Variants in TCF4 observed in about 807,000 individuals in gnomAD.
TCF4 encodes the protein SL3-3 enhancer factor 2.
TCF4 carries 3 observed loss-of-function variants against 82.1 expected under a neutral mutation model. The observed-to-expected ratio is 0.04, with a 90% CI of 0.02 to 0.09. The LOEUF is 0.09. Among genes scored for constraint, TCF4 ranks in the 10% least tolerant of loss-of-function variants. The probability of loss-of-function intolerance (pLI) is 1.00; values close to 1 mark genes in which losing one functional copy is unlikely to be tolerated. For synonymous variants in TCF4, 276 were observed against 309.6 expected, an observed-to-expected ratio of 0.89 and a Z score of 1.14; for missense variants, 518 against 852.7, an observed-to-expected ratio of 0.61 and a Z score of 4.89.
At chr18:55,610,726 C>T (rs1190876915) in intron 2 of TCF4, among the ~76,000 whole-genome samples, 1 of 152,192 alleles carries the variant, frequency 6.6e-6, no homozygotes, top group Non-Finnish European at 1.5e-5. Context: ...CAGCCCAAGA[C>T]ATTGCAGAGG....
chr18:55,376,151 A>G (rs2090684928), intron 6 of TCF4, among the ~76,000 whole-genome samples: 1 of 150,788 alleles, frequency 6.6e-6, no homozygotes, highest in Non-Finnish European at 1.5e-5. Context: ...CCTCCTGAGT[A>G]GCTCAGACCA....
chr18:55,586,357 C>T (rs1364625334), intron 2 of TCF4: 1 of 604,238 alleles, frequency 1.7e-6, no homozygotes, highest in East Asian at 3.4e-5. Context: ...ATTCTCCTGA[C>T]ATGTCTGGGA....
intron 8 of TCF4, among the ~76,000 whole-genome samples, chr18:55,325,179 T>G (rs916690708): frequency 2.0e-5 from 3 of 152,194 alleles, no homozygotes; most frequent in African/African-American, 4.8e-5. Context: ...AGAGCTATAT[T>G]CAACCATTTC....
intron 3 of TCF4, among the ~76,000 whole-genome samples, chr18:55,554,696 T>G (rs2097289171): frequency 6.6e-6 from 1 of 152,202 alleles, no homozygotes; most frequent in African/African-American, 2.4e-5. Context: ...ACAATGTGCA[T>G]GTACAACCCC....
chr18:55,415,466 A>G (rs957539084), intron 5 of TCF4, among the ~76,000 whole-genome samples: 4 of 152,218 alleles, frequency 2.6e-5, no homozygotes, highest in African/African-American at 9.6e-5. Context: ...CAGCCAGCAG[A>G]GGGCGCACAT....
At chr18:55,597,305 G>C (rs147930613) in intron 2 of TCF4, among the ~76,000 whole-genome samples, 4 of 152,288 alleles carry the variant, frequency 2.6e-5, no homozygotes, top group African/African-American at 9.6e-5. Context: ...GATTATAATG[G>C]AGAGGAGAAA....
chr18:55,403,727 C>T, intron 5 of TCF4: 4 of 1,537,626 alleles, frequency 2.6e-6, no homozygotes, highest in Non-Finnish European at 2.6e-6. Context: ...CTATTCTTAG[C>T]CAAACTGCTC....
chr18:55,580,795 T>C lies in TCF4; in HGVS notation c.145+4485A>G, dbSNP rs548596384. 1.0e-4 allele frequency among the ~76,000 whole-genome samples: 15 copies of C among 150,382 alleles called. No homozygotes were observed. In the South Asian group the frequency reaches 2.3e-3, roughly 23 times the overall value. ...GTGTGTGTGTATAGAACTCAGGACT[T>C]TGAGCTAGACAAACCTGAGGTTAAA... On this transcript the variant is annotated intron_variant, in intron 3 of 19. Transcript: ENST00000354452.
At chr18:55,409,954 A>T (rs1335529649) in intron 5 of TCF4, among the ~76,000 whole-genome samples, 1 of 152,202 alleles carries the variant, frequency 6.6e-6, no homozygotes, top group Non-Finnish European at 1.5e-5. Flanking sequence ...ACAGAATCTT[A>T]CGATACAGGG....
chr18:55,555,667 G>A (rs2097297415), intron 3 of TCF4, among the ~76,000 whole-genome samples: 1 of 152,102 alleles, frequency 6.6e-6, no homozygotes, highest in African/African-American at 2.4e-5. Context: ...ACAACTGCCA[G>A]AATTAAAGCC....
chr18:55,259,695 G>A (rs1209955921), intron 13 of TCF4: 1 of 471,098 alleles, frequency 2.1e-6, no homozygotes, highest in African/African-American at 2.0e-5. Context: ...TAAGAAAAGT[G>A]TAAGAAATAC....
chr18:55,387,629 G>A (rs1262834219), intron 6 of TCF4, among the ~76,000 whole-genome samples: 1 of 152,162 alleles, frequency 6.6e-6, no homozygotes, highest in African/African-American at 2.4e-5. Flanking sequence ...GTGTTGGCTG[G>A]TATTTACAAT....
intron 8 of TCF4, among the ~76,000 whole-genome samples, chr18:55,330,181 T>A (rs1434148864): frequency 1.4e-5 from 2 of 147,198 alleles, no homozygotes; most frequent in Non-Finnish European, 3.0e-5. Flanking sequence ...GTTGGATTTT[T>A]TTTTTTTTTT....
At chr18:55,502,038 C>T (rs2096707807) in intron 3 of TCF4, among the ~76,000 whole-genome samples, 1 of 152,218 alleles carries the variant, frequency 6.6e-6, no homozygotes. Context: ...TTTCTCTCAG[C>T]AATTCTCATA....
intron 8 of TCF4, among the ~76,000 whole-genome samples, chr18:55,304,833 A>G (rs1309529708): frequency 6.6e-6 from 1 of 152,330 alleles, no homozygotes; most frequent in East Asian, 1.9e-4. Flanking sequence ...GAGCATTTGT[A>G]GCATTAGCTC....
At chr18:55,427,824 GAATA>G (rs1220167146) in intron 5 of TCF4, among the ~76,000 whole-genome samples, 1 of 152,162 alleles carries the variant, frequency 6.6e-6, no homozygotes, top group Non-Finnish European at 1.5e-5. Flanking sequence ...GCGAATGAAT[GAATA>G]AATGAACAGA....
intron 8 of TCF4, among the ~76,000 whole-genome samples, chr18:55,292,727 C>A (rs2065377434): frequency 6.6e-6 from 1 of 151,378 alleles, no homozygotes; most frequent in Non-Finnish European, 1.5e-5. Flanking sequence ...CACGTATATA[C>A]ATGTGCGTAG....
intron 3 of TCF4, among the ~76,000 whole-genome samples, chr18:55,501,860 CT>C (rs2096705990): frequency 1.3e-5 from 2 of 152,166 alleles, no homozygotes; most frequent in African/African-American, 4.8e-5. Context: ...AGGGAAAAGG[CT>C]TTGTGGAGTG....
intron 6 of TCF4, among the ~76,000 whole-genome samples, chr18:55,397,359 G>A (rs568427792): frequency 7.2e-5 from 11 of 152,104 alleles, no homozygotes; most frequent in Non-Finnish European, 1.2e-4. Context: ...ACAAGGAAAC[G>A]AAATCTAATA....
Sources: gnomAD v4.1 joint callset for allele counts (sites outside exome capture counted in the v4.1 genomes callset) on GRCh38, gnomAD v4.1.1 for gene constraint, MANE v1.5 for transcripts, NCBI Gene and HGNC (gene_info 2026-07-23, HGNC 2026-07-21) for gene names.